Variants in JMY observed in about 807,000 individuals in gnomAD.
JMY encodes junction-mediating and -regulatory protein.
In JMY, 46 loss-of-function variants were observed where a neutral mutation model predicts 103.3. The observed-to-expected ratio is 0.45, with a 90% confidence interval of 0.35 to 0.57. The LOEUF is 0.57. Ranked by LOEUF, JMY falls within the 20% of genes least tolerant of loss-of-function variation. The probability of loss-of-function intolerance (pLI) is 0.00; values close to 1 mark genes in which losing one functional copy is unlikely to be tolerated. For missense variants in JMY, 1,238 were observed against 1,255.2 expected (o/e 0.99, Z 0.21); for synonymous variants, 526 against 489.3 (o/e 1.07, Z -0.99).
rs900601267 is a variant in JMY, at chr5:79,236,641, C to T, written c.-10C>T. ...GCGGCCCTTCCCCGCGGCGAGAAGC[C>T]GGAGCCACCATGTCGTTCGCGCTGG... On this transcript the variant is annotated 5_prime_UTR_variant, in exon 1 of 11. Coordinates refer to ENST00000396137, the MANE Select transcript of JMY (RefSeq NM_152405.5). 9.4e-6 allele frequency: 13 copies of T among 1,386,830 alleles called. No homozygotes were observed. Among genetic ancestry groups the T allele is most frequent in the Non-Finnish European group, 1.2e-5 (13 of 1,054,634 alleles). 85.9% of individuals were successfully genotyped at this position (1,386,830 alleles called of 1,614,324 possible). A position where few individuals can be genotyped will look rare whatever the true frequency, so the allele number is the denominator to read the frequency against.
At chr5:79,282,997 ATAAT>A (rs1410895005) in intron 2 of JMY, among the ~76,000 whole-genome samples, 1 of 149,252 alleles carries the variant, frequency 6.7e-6, no homozygotes. Context: ...AATAATAATA[ATAAT>A]TATTATTATT....
At chr5:79,310,776 T>A (rs1434608690) in intron 7 of JMY, among the ~76,000 whole-genome samples, 2 of 152,200 alleles carry the variant, frequency 1.3e-5, no homozygotes, top group Non-Finnish European at 2.9e-5. Context: ...TCAAATTGGA[T>A]AAGAGAATTC....
intron 6 of JMY, among the ~76,000 whole-genome samples, chr5:79,303,085 A>G (rs1176333118): frequency 6.6e-6 from 1 of 152,176 alleles, no homozygotes; most frequent in Non-Finnish European, 1.5e-5. Flanking sequence ...GTGGGAGGTG[A>G]TAAGCTGAGT....
chr5:79,295,752 G>C (rs1373310069), intron 4 of JMY, among the ~76,000 whole-genome samples: 1 of 152,168 alleles, frequency 6.6e-6, no homozygotes, highest in African/African-American at 2.4e-5. Context: ...CTGAGGTGGG[G>C]TTTTTGAGGT....
At chr5:79,294,341 C>G (rs1580360675) in intron 4 of JMY, among the ~76,000 whole-genome samples, 1 of 152,000 alleles carries the variant, frequency 6.6e-6, no homozygotes, top group African/African-American at 2.4e-5. Context: ...GAGGCAGAGG[C>G]TGCAGTGAGC....
chr5:79,314,511 C>T lies in JMY; in HGVS notation c.2319C>T (p.Leu773=), dbSNP rs2112119897. 1.2e-6 allele frequency: 2 copies of T among 1,614,102 alleles called. No individual in the cohort carries two copies. Among genetic ancestry groups the T allele is most frequent in the East Asian group, 2.2e-5 (1 of 44,884 alleles). Residue 773 remains leucine (L), a synonymous_variant, in exon 9 of 11, where the codon CTC becomes CTT. Transcript: ENST00000396137. ...AACTTGAAGCCACCTCATTACCTCT[C>T]AGTGGTGTTACCTCTGAACTGCCTC... ...LTQLEATSLP[L]SGVTSELPPT...
intron 1 of JMY, among the ~76,000 whole-genome samples, chr5:79,269,282 C>G (rs1270372375): frequency 6.6e-6 from 1 of 152,096 alleles, no homozygotes; most frequent in Non-Finnish European, 1.5e-5. Context: ...TTTTTGGACT[C>G]TATTCTGTTC....
intron 1 of JMY, among the ~76,000 whole-genome samples, chr5:79,273,993 G>T (rs917189245): frequency 6.6e-6 from 1 of 151,920 alleles, no homozygotes; most frequent in South Asian, 2.1e-4. Flanking sequence ...ACCATGCCTG[G>T]CTAATTTTTG....
At chr5:79,311,789 G>C (rs961381920) in intron 7 of JMY, among the ~76,000 whole-genome samples, 4 of 152,046 alleles carry the variant, frequency 2.6e-5, no homozygotes, top group Non-Finnish European at 5.9e-5. Context: ...CTAACTGCTG[G>C]TTATATTGGT....
rs371974963 is a variant in JMY at position 79,302,344 on chromosome 5, T to C, written c.1881+1481T>C. Among the ~76,000 whole-genome samples the C allele has an allele frequency of 6.0e-4, 92 of 152,270 alleles. No homozygotes were observed. In the East Asian group the frequency reaches 0.011, roughly 18 times the overall value. ...TTAATTCACCAGTATGCTAGGCACATTGTTAGACTTAGGATACAAAGATGA... is the reference window on the plus strand; with the variant it reads ...TTAATTCACCAGTATGCTAGGCACACTGTTAGACTTAGGATACAAAGATGA... On this transcript the variant is annotated intron_variant, in intron 6 of 10. Transcript: ENST00000396137.
chr5:79,250,865 G>A (rs1561289697), intron 1 of JMY, among the ~76,000 whole-genome samples: 1 of 151,112 alleles, frequency 6.6e-6, no homozygotes, highest in Non-Finnish European at 1.5e-5. Flanking sequence ...TGTTTACTGT[G>A]GTTTGGGGTA....
rs1009223004 is a variant in JMY at position 79,324,678 on chromosome 5, T to TG, written c.*3077dup. ...TGGCTAAAGAGGATTTTTTAAAAGATGAAGAATGGTTTTGCTTGTATTATA... is the reference window on the plus strand; with the variant it reads ...TGGCTAAAGAGGATTTTTTAAAAGATGGAAGAATGGTTTTGCTTGTATTATA... On this transcript the variant is annotated 3_prime_UTR_variant, in exon 11 of 11. Transcript: ENST00000396137. The TG allele has an allele frequency of 8.5e-5, 13 of 152,326 alleles. No individual in the cohort carries two copies. Among genetic ancestry groups the TG allele is most frequent in the Admixed American group, 5.2e-4 (8 of 15,302 alleles). The allele number at this position is 152,326 out of a possible 1,614,324, so 9.4% of individuals were successfully genotyped here. A position where few individuals can be genotyped will look rare whatever the true frequency, so the allele number is the denominator to read the frequency against.
chr5:79,289,695 T>C (rs1164207445), intron 2 of JMY, among the ~76,000 whole-genome samples: 1 of 152,168 alleles, frequency 6.6e-6, no homozygotes, highest in African/African-American at 2.4e-5. Flanking sequence ...TAGGCTGGTT[T>C]TTATATTGTC....
At chr5:79,253,727 C>T (rs1247504329) in intron 1 of JMY, among the ~76,000 whole-genome samples, 2 of 152,038 alleles carry the variant, frequency 1.3e-5, no homozygotes, top group African/African-American at 2.4e-5. Flanking sequence ...GAGACAGGGT[C>T]TCACTCTGTC....
chr5:79,316,322 T>G lies in JMY; in HGVS notation c.*3+12T>G. The G allele has an allele frequency of 6.3e-7, 1 of 1,583,418 alleles. No individual in the cohort carries two copies. Among genetic ancestry groups the G allele is most frequent in the South Asian group, 1.1e-5 (1 of 87,358 alleles). Reference sequence around the variant, plus strand: ...GGGAGAACTAACAAGTAAACGGCCTTATTGTCTTTAGTAGCATTCAGTAAT... The same window carrying G: ...GGGAGAACTAACAAGTAAACGGCCTGATTGTCTTTAGTAGCATTCAGTAAT... On this transcript the variant is annotated intron_variant, in intron 10 of 10. Transcript: ENST00000396137.
At chr5:79,244,568 C>T (rs1744833067) in intron 1 of JMY, among the ~76,000 whole-genome samples, 1 of 152,038 alleles carries the variant, frequency 6.6e-6, no homozygotes, top group Non-Finnish European at 1.5e-5. Context: ...TTTGACGTTT[C>T]ATTAACTGTA....
Position 79,290,103 on chromosome 5 carries a change from T to G in JMY, c.1207-18T>G. ...AGAAAGACTTGAACTTCTTAATTTT[T>G]TCTTTTTCTCTCTGAAGATTTCCAT... On this transcript the variant is annotated intron_variant, in intron 2 of 10. Coordinates refer to ENST00000396137, the MANE Select transcript of JMY (RefSeq NM_152405.5). 1 of 1,555,684 alleles carries G rather than the reference T, an allele frequency of 6.4e-7. No individual in the cohort carries two copies. The highest frequency in any genetic ancestry group is 8.7e-7 in the Non-Finnish European group (1 of 1,153,670).
chr5:79,242,443 G>C (rs554896210), intron 1 of JMY, among the ~76,000 whole-genome samples: 1 of 152,238 alleles, frequency 6.6e-6, no homozygotes, highest in South Asian at 2.1e-4. Context: ...AGGATTATCT[G>C]GTTTTCCATT....
Position 79,284,263 on chromosome 5 carries a change from T to G in JMY, c.1207-5858T>G, listed in dbSNP as rs749609126. The G allele has an allele frequency of 6.1e-4, 921 of 1,510,854 alleles. 5 individuals are homozygous for G. Among genetic ancestry groups the G allele is most frequent in the Middle Eastern group, 4.2e-3 (23 of 5,456 alleles). 93.6% of individuals were successfully genotyped at this position (1,510,854 alleles called of 1,614,324 possible). On this transcript the variant is annotated intron_variant, in intron 2 of 10. Coordinates refer to ENST00000396137, the MANE Select transcript of JMY (RefSeq NM_152405.5). Reference sequence around the variant, plus strand: ...TCCATGAGCTTTCCCAATTCAAACTTGGGCTTCTTCAGCATTTTTACTTTT... The same window carrying G: ...TCCATGAGCTTTCCCAATTCAAACTGGGGCTTCTTCAGCATTTTTACTTTT...
Sources: gnomAD v4.1 joint callset for allele counts (sites outside exome capture counted in the v4.1 genomes callset) on GRCh38, gnomAD v4.1.1 for gene constraint, MANE v1.5 for transcripts, NCBI Gene and HGNC (gene_info 2026-07-23, HGNC 2026-07-21) for gene names.